The following SLFN12 variants were observed in gnomAD, a reference collection of about 807,000 sequenced individuals.
SLFN12 encodes schlafen family member 12, also known as ribonuclease SLFN12.
SLFN12 carries 25 observed loss-of-function variants against 29.1 expected under a neutral mutation model. That is an observed-to-expected ratio of 0.86 (90% CI 0.63 to 1.20). The LOEUF is 1.20. Ranked by LOEUF, SLFN12 falls within the 50% of genes most tolerant of loss-of-function variation. The pLI, the probability that SLFN12 is intolerant of heterozygous loss-of-function variation, is 0.00. For synonymous variants in SLFN12, 257 were observed against 238.7 expected (o/e 1.08, Z -0.71); for missense variants, 660 against 666.2 (o/e 0.99, Z 0.10).
intron 1 of SLFN12, among the ~76,000 whole-genome samples, chr17:35,431,471 G>A (rs1399682749): frequency 6.6e-6 from 1 of 152,066 alleles, no homozygotes; most frequent in Non-Finnish European, 1.5e-5. Flanking sequence ...TACTGCAACC[G>A]GAAGAGAAAA....
At chr17:35,421,393 A>G (rs1057511386) in intron 2 of SLFN12, among the ~76,000 whole-genome samples, 7 of 151,742 alleles carry the variant, frequency 4.6e-5, no homozygotes, top group Non-Finnish European at 1.0e-4. Context: ...CTTCAAAACT[A>G]GTATAGACGT....
chr17:35,415,333 C>A (rs367868774), intron 3 of SLFN12, among the ~76,000 whole-genome samples: 19 of 152,156 alleles, frequency 1.2e-4, no homozygotes, highest in African/African-American at 4.6e-4. Flanking sequence ...AAAACCAGAT[C>A]CTCATCTCTC....
At chr17:35,414,258 A>C (rs1483178698) in intron 3 of SLFN12, among the ~76,000 whole-genome samples, 3 of 152,146 alleles carry the variant, frequency 2.0e-5, no homozygotes, top group Non-Finnish European at 4.4e-5. Context: ...AATGATCAGA[A>C]CAAATAAAAG....
chr17:35,418,018 A>C (rs975985641), intron 3 of SLFN12, among the ~76,000 whole-genome samples: 1 of 152,140 alleles, frequency 6.6e-6, no homozygotes, highest in Non-Finnish European at 1.5e-5. Flanking sequence ...TTACTGATAT[A>C]AATATGCCAT....
In SLFN12 at chr17:35,420,371, A is replaced by G. The variant is rs774926196; in HGVS notation, c.1050T>C (p.Ser350=). Reference sequence around the variant, plus strand: ...TTTGAGAGATCACCTCTTCATATGAACTGGAAAATTCTTAAAAACAAAAAT... The same window carrying G: ...TTTGAGAGATCACCTCTTCATATGAGCTGGAAAATTCTTAAAAACAAAAAT... ...FMVEAEPKFS[S]SYEEVISQIN... Residue 350 remains serine (S), a synonymous_variant, in exon 3 of 4, where the codon AGT becomes AGC. Transcript: ENST00000304905. 1 of 1,611,948 alleles carries G rather than the reference A, an allele frequency of 6.2e-7. No individual in the cohort carries two copies. Among genetic ancestry groups the G allele is most frequent in the South Asian group, 1.1e-5 (1 of 90,734 alleles).
intron 1 of SLFN12, chr17:35,430,482 G>C (rs772289): frequency 0.42 from 63,396 of 151,962 alleles, 14,413 homozygotes; most frequent in Non-Finnish European, 0.49. Context: ...ATCATTTTGG[G>C]TTTCCAGTCT....
At position 35,422,824 on chromosome 17, in the gene SLFN12, T is replaced by C. The variant is rs199764405; in HGVS notation, c.205A>G (p.Ser69Gly). Residue 69 changes from serine to glycine, a missense_variant, in exon 2 of 4, where the codon AGT (serine) becomes GGT (glycine). By Grantham distance (56) the Ser-to-Gly change is moderately conservative (BLOSUM62 0). Transcript: ENST00000304905. ...IKAEIENEDYSYTKDGIGLDL... is the reference protein window; with the variant it reads ...IKAEIENEDYGYTKDGIGLDL... ...AGTCCTATTCCATCTTTTGTATAAC[T>C]ATAGTCTTCATTCTCAATTTCAGCC... is the stretch of plus-strand genomic sequence containing the variant. 6.2e-7 allele frequency: 1 copy of C among 1,613,926 alleles called. No homozygotes were observed. The highest frequency in any genetic ancestry group is 1.7e-5 in the Admixed American group (1 of 60,006).
intron 1 of SLFN12, among the ~76,000 whole-genome samples, chr17:35,428,246 T>A (rs1001199942): frequency 2.6e-5 from 4 of 152,258 alleles, no homozygotes; most frequent in Non-Finnish European, 5.9e-5. Context: ...CTTTCCCAAA[T>A]AATTGTATCA....
chr17:35,413,721 C>T (rs1185393743), intron 3 of SLFN12, among the ~76,000 whole-genome samples: 1 of 149,128 alleles, frequency 6.7e-6, no homozygotes, highest in Non-Finnish European at 1.5e-5. Context: ...TGCACTCCAA[C>T]CTGGGTAACA....
intron 3 of SLFN12, among the ~76,000 whole-genome samples, chr17:35,416,868 A>G (rs1439216357): frequency 6.6e-6 from 1 of 152,118 alleles, no homozygotes; most frequent in Admixed American, 6.5e-5. Context: ...GCAGTGAGCC[A>G]TGATCACACC....
At chr17:35,419,741 C>T (rs1278206825) in intron 3 of SLFN12, among the ~76,000 whole-genome samples, 1 of 152,140 alleles carries the variant, frequency 6.6e-6, no homozygotes, top group African/African-American at 2.4e-5. Context: ...AATATTCACA[C>T]ACCTCCTGAG....
rs1285648694 is a variant in SLFN12 at position 35,422,253 on chromosome 17, T to C, written c.776A>G (p.Asp259Gly). 6 of 1,614,030 alleles carry C rather than the reference T, an allele frequency of 3.7e-6. No individual in the cohort carries two copies. The East Asian group carries it at 6.7e-5, about 18-fold the overall frequency. Residue 259 changes from aspartate (D) to glycine (G), a missense_variant, in exon 2 of 4, where the codon GAC becomes GGC. Transcript: ENST00000304905. ...GGACTTTTCGATTTCTCTTTCTAAG[T>C]CATCGAGGTCACTCATCTCTGCTTT... is the stretch of plus-strand genomic sequence containing the variant. ...GFKAEMSDLD[D>G]LEREIEKSIR...
intron 1 of SLFN12, among the ~76,000 whole-genome samples, chr17:35,425,746 T>C (rs1911973290): frequency 6.6e-6 from 1 of 151,864 alleles, no homozygotes; most frequent in Non-Finnish European, 1.5e-5. Flanking sequence ...TACAGATATC[T>C]CTTTGATAGA....
At chr17:35,420,535 T>C in intron 2 of SLFN12, 154 bp from the exon 3 acceptor site, 1 of 510,338 alleles carries the variant, frequency 2.0e-6, no homozygotes. Flanking sequence ...TTAGGTCAGA[T>C]ACAAATTGCA....
rs1911796438 is a variant in SLFN12, at chr17:35,422,989, A to G, written c.40T>C (p.Leu14=). Residue 14 remains leucine (L), a synonymous_variant, in exon 2 of 4, where the codon TTG becomes CTG. Coordinates refer to ENST00000304905, the MANE Select transcript of SLFN12 (RefSeq NM_018042.5). Reference sequence around the variant, plus strand: ...GTGACTCTTCCCACATCTAGAACCAACTCGGCATAATTCGTTTCCAAATCA... The same window carrying G: ...GTGACTCTTCCCACATCTAGAACCAGCTCGGCATAATTCGTTTCCAAATCA... ...SVDLETNYAE[L]VLDVGRVTLG... 2 of 1,613,126 alleles carry G rather than the reference A, an allele frequency of 1.2e-6. No individual in the cohort carries two copies. The highest frequency in any genetic ancestry group is 2.2e-5 in the South Asian group (2 of 91,012).
At chr17:35,413,902 T>C (rs1036339462) in intron 3 of SLFN12, among the ~76,000 whole-genome samples, 1 of 152,008 alleles carries the variant, frequency 6.6e-6, no homozygotes, top group Admixed American at 6.6e-5. Flanking sequence ...TATTAACGGA[T>C]ACAGAAAAAG....
chr17:35,423,594 A>G (rs1025496821), intron 1 of SLFN12, among the ~76,000 whole-genome samples: 3 of 152,134 alleles, frequency 2.0e-5, no homozygotes, highest in African/African-American at 2.4e-5. Flanking sequence ...ATAGATTTAT[A>G]AATTTTGGCC....
chr17:35,428,686 C>T (rs1377055668), intron 1 of SLFN12, among the ~76,000 whole-genome samples: 1 of 152,026 alleles, frequency 6.6e-6, no homozygotes, highest in Non-Finnish European at 1.5e-5. Flanking sequence ...TGGGGAGGAC[C>T]TGACTCCTGG....
intron 3 of SLFN12, 138 bp from the exon 4 acceptor site, chr17:35,412,065 T>C (rs893659079): frequency 1.1e-5 from 7 of 636,072 alleles, no homozygotes; most frequent in Non-Finnish European, 1.7e-5. Context: ...CAAACAATAA[T>C]TTAAAGAACT....
Sources: allele counts gnomAD v4.1 joint callset (sites outside exome capture counted in the v4.1 genomes callset), GRCh38; gene constraint gnomAD v4.1.1; transcripts MANE v1.5; gene names NCBI Gene and HGNC (gene_info 2026-07-23, HGNC 2026-07-21).